Variants in DYNC1LI2 observed in about 807,000 individuals in gnomAD.
DYNC1LI2 encodes the protein dynein cytoplasmic 1 light intermediate chain 2.
DYNC1LI2 carries 19 observed loss-of-function variants against 57.8 expected under a neutral mutation model. The ratio of observed to expected loss-of-function variants is 0.33; its 90% CI spans 0.23 to 0.48. The LOEUF (loss-of-function observed/expected upper bound fraction) is 0.48, where lower values mean the gene tolerates loss of function less well. DYNC1LI2 is among the 20% of genes least tolerant of loss of function. DYNC1LI2 has a pLI of 0.99. For missense variants in DYNC1LI2, 470 were observed against 604.2 expected, an observed-to-expected ratio of 0.78 and a Z score of 2.33; for synonymous variants, 256 against 233.4, an observed-to-expected ratio of 1.10 and a Z score of -0.88.
In DYNC1LI2 at chr16:66,751,158, T is replaced by C; in HGVS notation, c.181+115A>G. On this transcript the variant is annotated intron_variant, in intron 2 of 12. Transcript: ENST00000258198. This position sits in a 1 kb window ranked among gnomAD's most constrained non-coding sequence, Gnocchi z 5.2. ...CTGACCGGCCAGGGCCGACGGTCCC[T>C]TTCCCGCCAGGCTGCGGGCAGGCGG... 7 of 1,269,610 alleles carry C rather than the reference T, an allele frequency of 5.5e-6. No individual in the cohort carries two copies. The highest frequency in any genetic ancestry group is 7.5e-6 in the Non-Finnish European group (7 of 930,466). 78.6% of individuals were successfully genotyped at this position (1,269,610 alleles called of 1,614,324 possible). A position where few individuals can be genotyped will look rare whatever the true frequency, so the allele number is the denominator to read the frequency against.
intron 6 of DYNC1LI2, 33 bp downstream of exon 6, chr16:66,734,185 T>G: frequency 3.1e-6 from 5 of 1,606,850 alleles, no homozygotes; most frequent in Non-Finnish European, 4.3e-6. Context: ...AGAAAGCCTG[T>G]GACCCAGGCC....
chr16:66,751,223 G>A lies in DYNC1LI2; in HGVS notation c.181+50C>T. ...GCGGGGACCTGAGGGAGGGGCGCCC[G>A]CCTCGCCCACCCCAGCGACCTGGGG... On this transcript the variant is annotated intron_variant, in intron 2 of 12. Transcript: ENST00000258198. The surrounding 1 kb of genome is among the most constrained non-coding windows in gnomAD (Gnocchi z 5.2). 6.3e-7 allele frequency: 1 copy of A among 1,586,050 alleles called. No homozygotes were observed. The highest frequency in any genetic ancestry group is 8.6e-7 in the Non-Finnish European group (1 of 1,165,268).
chr16:66,750,605 A>G (rs2018026115), intron 2 of DYNC1LI2, among the ~76,000 whole-genome samples: 1 of 152,214 alleles, frequency 6.6e-6, no homozygotes, highest in African/African-American at 2.4e-5. Flanking sequence ...GCAATCACCA[A>G]TACATCTGTC....
chr16:66,723,941 T>G, intron 12 of DYNC1LI2, 119 bp from the exon 13 acceptor site: 1 of 821,588 alleles, frequency 1.2e-6, no homozygotes, highest in Admixed American at 3.1e-5. Flanking sequence ...GTAACCTTAA[T>G]AAGAATGAGG....
intron 4 of DYNC1LI2, among the ~76,000 whole-genome samples, chr16:66,738,071 G>A (rs902733036): frequency 1.3e-5 from 2 of 152,084 alleles, no homozygotes; most frequent in African/African-American, 2.4e-5. Context: ...CACAGAACAC[G>A]TTTCAAACAT....
chr16:66,744,275 C>T (rs2017897241), intron 3 of DYNC1LI2, among the ~76,000 whole-genome samples: 1 of 152,156 alleles, frequency 6.6e-6, no homozygotes. Context: ...TGGTCTCAAA[C>T]TCCTAGGCTC....
chr16:66,746,923 G>A (rs1363722102), intron 3 of DYNC1LI2, among the ~76,000 whole-genome samples: 1 of 152,108 alleles, frequency 6.6e-6, no homozygotes, highest in East Asian at 1.9e-4. Context: ...TCTTTCCACA[G>A]TAACCACACT....
At chr16:66,727,341 G>GT (rs2017554614) in intron 11 of DYNC1LI2, among the ~76,000 whole-genome samples, 1 of 152,164 alleles carries the variant, frequency 6.6e-6, no homozygotes, top group African/African-American at 2.4e-5. Context: ...TGCTATGATC[G>GT]TATCACTGTG....
intron 2 of DYNC1LI2, among the ~76,000 whole-genome samples, chr16:66,750,990 C>T (rs2018036825): frequency 6.6e-6 from 1 of 152,228 alleles, no homozygotes; most frequent in African/African-American, 2.4e-5. Context: ...TCTCCACGAC[C>T]TCAATTTGGT....
chr16:66,742,501 A>C lies in DYNC1LI2; in HGVS notation c.466T>G (p.Leu156Val). The change falls in exon 4 of 13, where the codon TTA (leucine) becomes GTA (valine). Residue 156 changes from leucine (L) to valine (V), a missense_variant. By Grantham distance (32) the Leu-to-Val change is conservative. Coordinates refer to ENST00000258198, the MANE Select transcript of DYNC1LI2 (RefSeq NM_006141.3). Reference sequence around the variant, plus strand: ...TTCATTTTATCAATGTGCTCACGTAAAACACTAGCCCATTTCTGCAGAGAT... The same window carrying C: ...TTCATTTTATCAATGTGCTCACGTACAACACTAGCCCATTTCTGCAGAGAT... ...MESLQKWASV[L>V]REHIDKMKIP... 6.2e-7 allele frequency: 1 copy of C among 1,614,208 alleles called. No individual in the cohort carries two copies. Among genetic ancestry groups the C allele is most frequent in the Non-Finnish European group, 8.5e-7 (1 of 1,180,040 alleles).
intron 2 of DYNC1LI2, 109 bp from the exon 3 acceptor site, chr16:66,749,422 C>T: frequency 2.8e-6 from 3 of 1,074,786 alleles, no homozygotes; most frequent in Admixed American, 1.8e-5. Context: ...GCAAAGTCTG[C>T]TGTTGAAGTC....
chr16:66,750,124 G>A (rs1751572230), intron 2 of DYNC1LI2, among the ~76,000 whole-genome samples: 1 of 152,182 alleles, frequency 6.6e-6, no homozygotes, highest in Admixed American at 6.5e-5. Flanking sequence ...GGACCTGTCA[G>A]CCTGACTTCA....
intron 3 of DYNC1LI2, among the ~76,000 whole-genome samples, chr16:66,748,305 A>AAAT (rs1441454828): frequency 7.3e-6 from 1 of 137,342 alleles, no homozygotes; most frequent in African/African-American, 2.8e-5. Context: ...AAAAAAAAAA[A>AAAT]CTAACATAAA....
Position 66,736,023 on chromosome 16 carries a change from G to T in DYNC1LI2, c.699+52C>A, listed in dbSNP as rs1015141350. 6.3e-6 allele frequency: 10 copies of T among 1,577,886 alleles called. No individual in the cohort carries two copies. In the African/African-American group the frequency reaches 1.4e-4, roughly 21 times the overall value. On this transcript the variant is annotated intron_variant, in intron 5 of 12. Coordinates refer to ENST00000258198, the MANE Select transcript of DYNC1LI2 (RefSeq NM_006141.3). ...CAACAGTTTCTCAAACTTTCAGATG[G>T]TGACTGTTCACCACCCGAACCCAGC...
Position 66,751,182 on chromosome 16 carries a change from G to A in DYNC1LI2, c.181+91C>T. On this transcript the variant is annotated intron_variant, in intron 2 of 12. Coordinates refer to ENST00000258198, the MANE Select transcript of DYNC1LI2 (RefSeq NM_006141.3). This position sits in a 1 kb window ranked among gnomAD's most constrained non-coding sequence, Gnocchi z 5.2. ...CTTTCCCGCCAGGCTGCGGGCAGGCGGCTGGAACGGGGAAGGCGGGGACCT... is the reference window on the plus strand; with the variant it reads ...CTTTCCCGCCAGGCTGCGGGCAGGCAGCTGGAACGGGGAAGGCGGGGACCT... 7.1e-7 allele frequency: 1 copy of A among 1,409,746 alleles called. No individual in the cohort carries two copies. Among genetic ancestry groups the A allele is most frequent in the South Asian group, 1.3e-5 (1 of 75,784 alleles). 87.3% of individuals were successfully genotyped at this position (1,409,746 alleles called of 1,614,324 possible).
At position 66,751,608 on chromosome 16, in the gene DYNC1LI2, A is replaced by T; in HGVS notation, c.-17T>A. 6.4e-7 allele frequency: 1 copy of T among 1,566,144 alleles called. No homozygotes were observed. Among genetic ancestry groups the T allele is most frequent in the Non-Finnish European group, 8.6e-7 (1 of 1,159,244 alleles). ...CGGCGCCATCTTGCCAACTGCAGCCACAAAGAGGGCCCTCCCCCGGGCCCG... is the reference window on the plus strand; with the variant it reads ...CGGCGCCATCTTGCCAACTGCAGCCTCAAAGAGGGCCCTCCCCCGGGCCCG... On this transcript the variant is annotated 5_prime_UTR_variant, in exon 1 of 13. Coordinates refer to ENST00000258198, the MANE Select transcript of DYNC1LI2 (RefSeq NM_006141.3). This position sits in a 1 kb window ranked among gnomAD's most constrained non-coding sequence, Gnocchi z 5.2.
rs181433882 is a variant in DYNC1LI2 at position 66,728,051 on chromosome 16, T to G, written c.1143+150A>C. ...CATCAGAAACTTCTTGAGTTTCTTTTATGTTTCTGGTCATGGGTCTTTAGG... is the reference window on the plus strand; with the variant it reads ...CATCAGAAACTTCTTGAGTTTCTTTGATGTTTCTGGTCATGGGTCTTTAGG... On this transcript the variant is annotated intron_variant, in intron 10 of 12. Coordinates refer to ENST00000258198, the MANE Select transcript of DYNC1LI2 (RefSeq NM_006141.3). 1.6e-4 allele frequency: 178 copies of G among 1,113,042 alleles called. 5 individuals carry two copies. The Admixed American group carries it at 4.7e-3, about 29-fold the overall frequency. The allele number at this position is 1,113,042 out of a possible 1,614,324, so 68.9% of individuals were successfully genotyped here.
chr16:66,725,853 C>T lies in DYNC1LI2; in HGVS notation c.1353G>A (p.Gly451=). 1.2e-6 allele frequency: 2 copies of T among 1,614,104 alleles called. No homozygotes were observed. Among genetic ancestry groups the T allele is most frequent in the Non-Finnish European group, 1.7e-6 (2 of 1,180,004 alleles). Residue 451 remains glycine (G), a synonymous_variant, in exon 12 of 13, where the codon GGG becomes GGA. Coordinates refer to ENST00000258198, the MANE Select transcript of DYNC1LI2 (RefSeq NM_006141.3). ...TGSPGSPGAG[G]VQSTAKKSGQ... is the part of the protein sequence containing the mutation. ...CTGACTTCTTGGCTGTGCTCTGCACCCCACCAGCACCAGGACTTCCAGGAG... is the reference window on the plus strand; with the variant it reads ...CTGACTTCTTGGCTGTGCTCTGCACTCCACCAGCACCAGGACTTCCAGGAG...
chr16:66,747,182 G>A (rs1396958323), intron 3 of DYNC1LI2, among the ~76,000 whole-genome samples: 8 of 151,812 alleles, frequency 5.3e-5, no homozygotes, highest in Admixed American at 2.0e-4. Flanking sequence ...AGGTTGAAGC[G>A]ATTCTCCTGC....
Sources: allele counts gnomAD v4.1 joint callset (sites outside exome capture counted in the v4.1 genomes callset), GRCh38; gene constraint gnomAD v4.1.1; non-coding constraint Gnocchi (gnomAD v3.1); transcripts MANE v1.5; gene names NCBI Gene and HGNC (gene_info 2026-07-23, HGNC 2026-07-21).